PTPRM: variants seen among roughly 807,000 people sequenced by gnomAD.
PTPRM encodes the protein protein tyrosine phosphatase receptor type M, also known as receptor-type tyrosine-protein phosphatase mu.
Under a neutral mutation model 186.7 loss-of-function variants are expected in PTPRM, and 47 were observed. That is an observed-to-expected ratio of 0.25 (90% CI 0.20 to 0.32). The LOEUF (loss-of-function observed/expected upper bound fraction) is 0.32, where lower values mean the gene tolerates loss of function less well. Ranked by LOEUF, PTPRM falls within the 10% of genes least tolerant of loss-of-function variation. The probability of loss-of-function intolerance (pLI) is 1.00; values close to 1 mark genes in which losing one functional copy is unlikely to be tolerated. For missense variants in PTPRM, 1,494 were observed against 1,865.0 expected (o/e 0.80, Z 3.66); for synonymous variants, 668 against 674.9 (o/e 0.99, Z 0.16).
At chr18:7,995,363 A>C (rs1220921925) in intron 7 of PTPRM, among the ~76,000 whole-genome samples, 1 of 152,172 alleles carries the variant, frequency 6.6e-6, no homozygotes, top group African/African-American at 2.4e-5. Context: ...TAGAATTGAG[A>C]TGGATTCTTC....
At chr18:7,883,027 A>C (rs2048586745) in intron 2 of PTPRM, among the ~76,000 whole-genome samples, 1 of 152,200 alleles carries the variant, frequency 6.6e-6, no homozygotes, top group African/African-American at 2.4e-5. Flanking sequence ...AATTATTCTT[A>C]AGAAGCTTCT....
At chr18:7,901,406 C>T (rs955398708) in intron 3 of PTPRM, among the ~76,000 whole-genome samples, 21 of 151,888 alleles carry the variant, frequency 1.4e-4, no homozygotes, top group Middle Eastern at 3.4e-3. Context: ...CTTACTCTGT[C>T]GCCAGGCTGC....
chr18:8,250,780 C>A (rs1441238395), intron 17 of PTPRM, among the ~76,000 whole-genome samples: 2 of 149,362 alleles, frequency 1.3e-5, no homozygotes, highest in Non-Finnish European at 3.0e-5. Context: ...TGGAGAAAGA[C>A]CCTGTCTCCA....
chr18:7,722,271 G>T (rs1476628284), intron 1 of PTPRM, among the ~76,000 whole-genome samples: 3 of 152,072 alleles, frequency 2.0e-5, no homozygotes, highest in African/African-American at 4.8e-5. Context: ...TTTCAGATTG[G>T]CTTCTTTCAC....
At chr18:7,679,752 T>A (rs2144561404) in intron 1 of PTPRM, among the ~76,000 whole-genome samples, 1 of 152,292 alleles carries the variant, frequency 6.6e-6, no homozygotes, top group East Asian at 1.9e-4. Context: ...CATAGTTTTA[T>A]GGTGGGTTAT....
chr18:7,790,050 C>A (rs2043265677), intron 2 of PTPRM, among the ~76,000 whole-genome samples: 1 of 152,172 alleles, frequency 6.6e-6, no homozygotes, highest in South Asian at 2.1e-4. Context: ...ACGTGGAATT[C>A]TTTGCTCCTT....
chr18:8,133,088 G>T lies in PTPRM; in HGVS notation c.2168-10559G>T, dbSNP rs187334181. Among the ~76,000 whole-genome samples the T allele has an allele frequency of 5.6e-4, 85 of 152,222 alleles. 2 individuals are homozygous for T. In the East Asian group the frequency reaches 0.014, roughly 25 times the overall value. On this transcript the variant is annotated intron_variant, in intron 13 of 32. Coordinates refer to ENST00000580170, the MANE Select transcript of PTPRM (RefSeq NM_001105244.2). Reference sequence around the variant, plus strand: ...CAAGAGAGACAGAGAGGAGAAATCAGACCAAACTCATCCTTTTATCAGAAA... The same window carrying T: ...CAAGAGAGACAGAGAGGAGAAATCATACCAAACTCATCCTTTTATCAGAAA...
chr18:8,133,916 G>A (rs1317576372), intron 13 of PTPRM, among the ~76,000 whole-genome samples: 3 of 152,032 alleles, frequency 2.0e-5, no homozygotes, highest in African/African-American at 4.8e-5. Flanking sequence ...TTGGGAGTCA[G>A]GCATAAAAAT....
rs1598497342 is a variant in PTPRM, at chr18:8,376,578, T to G, written c.3443T>G (p.Val1148Gly). The change falls in exon 26 of 33, where the codon GTG becomes GGG. Residue 1148 changes from valine to glycine, a missense_variant. Val to Gly is a moderately radical substitution (Grantham distance 109, BLOSUM62 -3). Transcript: ENST00000580170. ...GTCAGGGAGCTGCGGTCACGGAGGG[T>G]GAACATGGTGCAAACAGAGGTACTC... ...NCVRELRSRR[V>G]NMVQTEEQYV... The G allele has an allele frequency of 6.2e-7, 1 of 1,613,348 alleles. No homozygotes were observed. Among genetic ancestry groups the G allele is most frequent in the Admixed American group, 1.7e-5 (1 of 59,994 alleles).
At chr18:8,065,464 T>G (rs565775971) in intron 7 of PTPRM, among the ~76,000 whole-genome samples, 2 of 152,216 alleles carry the variant, frequency 1.3e-5, no homozygotes, top group Non-Finnish European at 2.9e-5. Flanking sequence ...TGACTGAGCT[T>G]CCTGCGTGAC....
chr18:8,405,182 A>C (rs1488876284), intron 32 of PTPRM: 1 of 145,032 alleles, frequency 6.9e-6, no homozygotes, highest in Admixed American at 6.7e-5. Flanking sequence ...AAAAAAAAAA[A>C]AGAAAGGAGG....
chr18:7,737,068 T>G (rs1469972044), intron 1 of PTPRM, among the ~76,000 whole-genome samples: 1 of 152,188 alleles, frequency 6.6e-6, no homozygotes, highest in Non-Finnish European at 1.5e-5. Flanking sequence ...CCTCCCAAAG[T>G]GCTGGGATTA....
At chr18:7,806,142 A>C (rs2044223145) in intron 2 of PTPRM, among the ~76,000 whole-genome samples, 1 of 152,104 alleles carries the variant, frequency 6.6e-6, no homozygotes, top group South Asian at 2.1e-4. Flanking sequence ...CACAGTGGAA[A>C]CTGGGCCCTA....
chr18:8,066,434 T>C (rs753085091), intron 7 of PTPRM, among the ~76,000 whole-genome samples: 1 of 152,174 alleles, frequency 6.6e-6, no homozygotes, highest in African/African-American at 2.4e-5. Flanking sequence ...GTGGACCATG[T>C]CCCTGTGTCA....
intron 3 of PTPRM, among the ~76,000 whole-genome samples, chr18:7,893,296 A>G (rs552153359): frequency 1.2e-4 from 18 of 152,230 alleles, no homozygotes; most frequent in Non-Finnish European, 2.5e-4. Context: ...AAAACGTTTA[A>G]CGACTGGATG....
At chr18:8,036,172 T>A (rs2086317059) in intron 7 of PTPRM, among the ~76,000 whole-genome samples, 1 of 152,138 alleles carries the variant, frequency 6.6e-6, no homozygotes, top group African/African-American at 2.4e-5. Context: ...TCGGGGTAAC[T>A]CCGGGGAACA....
intron 7 of PTPRM, among the ~76,000 whole-genome samples, chr18:7,982,262 G>A (rs35943243): frequency 0.11 from 15,317 of 142,570 alleles, 1,106 homozygotes; most frequent in Non-Finnish European, 0.17. Context: ...TCTATAAGCT[G>A]TTTTCTGTTT....
chr18:8,386,198 G>A (rs543640953), intron 30 of PTPRM, among the ~76,000 whole-genome samples: 4 of 152,162 alleles, frequency 2.6e-5, no homozygotes, highest in Non-Finnish European at 5.9e-5. Context: ...GAAAATATAA[G>A]GGTGAAATTC....
At chr18:8,077,706 G>T (rs2089903878) in intron 9 of PTPRM, among the ~76,000 whole-genome samples, 1 of 151,940 alleles carries the variant, frequency 6.6e-6, no homozygotes, top group South Asian at 2.1e-4. Flanking sequence ...TCAGTTTTGG[G>T]GGATTTTTAC....
Sources: gnomAD v4.1 joint callset for allele counts (sites outside exome capture counted in the v4.1 genomes callset) on GRCh38, gnomAD v4.1.1 for gene constraint, MANE v1.5 for transcripts, NCBI Gene and HGNC (gene_info 2026-07-23, HGNC 2026-07-21) for gene names.